OR10H5: variants seen among roughly 807,000 people sequenced by gnomAD.
The protein encoded by OR10H5 is olfactory receptor 10H5.
Under a neutral mutation model 12.2 loss-of-function variants are expected in OR10H5, and 7 were observed. The ratio of observed to expected loss-of-function variants is 0.57; its 90% CI spans 0.33 to 1.07. OR10H5 has a LOEUF of 1.07. Ranked by LOEUF, OR10H5 falls within the 50% of genes least tolerant of loss-of-function variation. The pLI is 0.04. For missense variants in OR10H5, 346 were observed against 411.6 expected, an observed-to-expected ratio of 0.84 and a Z score of 1.38; for synonymous variants, 159 against 175.1, an observed-to-expected ratio of 0.91 and a Z score of 0.73.
chr19:15,794,244 C>T lies in OR10H5; in HGVS notation c.196C>T (p.Leu66Phe). ...HMPMYLFLCA[L>F]SITEILYTVA... Reference sequence around the variant, plus strand: ...GCCCATGTACCTCTTCCTGTGTGCCCTCTCCATCACCGAGATCCTCTACAC... The same window carrying T: ...GCCCATGTACCTCTTCCTGTGTGCCTTCTCCATCACCGAGATCCTCTACAC... The change falls in exon 2 of 2, where the codon CTC becomes TTC. Residue 66 changes from leucine to phenylalanine, a missense_variant. Leu to Phe is a conservative substitution (Grantham distance 22). Coordinates refer to ENST00000642092, the MANE Select transcript of OR10H5 (RefSeq NM_001004466.2). 6.2e-7 allele frequency: 1 copy of T among 1,613,328 alleles called. No homozygotes were observed. The highest frequency in any genetic ancestry group is 8.5e-7 in the Non-Finnish European group (1 of 1,179,790).
intron 1 of OR10H5, among the ~76,000 whole-genome samples, chr19:15,792,850 C>T (rs955739206): frequency 6.6e-6 from 1 of 151,822 alleles, no homozygotes; most frequent in Non-Finnish European, 1.5e-5. Context: ...TCATAACAAC[C>T]CTGTCAATTT....
chr19:15,793,678 C>T (rs562005796), intron 1 of OR10H5, among the ~76,000 whole-genome samples: 25 of 152,070 alleles, frequency 1.6e-4, no homozygotes, highest in African/African-American at 5.8e-4. Flanking sequence ...GTCAGGAGTT[C>T]GAGACCAGCC....
At chr19:15,793,582 A>T (rs1468591910) in intron 1 of OR10H5, among the ~76,000 whole-genome samples, 1 of 152,022 alleles carries the variant, frequency 6.6e-6, no homozygotes, top group Non-Finnish European at 1.5e-5. Flanking sequence ...TCAGCACATT[A>T]TTATTAACAT....
intron 1 of OR10H5, among the ~76,000 whole-genome samples, chr19:15,792,527 G>A (rs371709643): frequency 2.0e-5 from 3 of 152,138 alleles, no homozygotes; most frequent in East Asian, 1.9e-4. Flanking sequence ...GTGCAGTGGC[G>A]TGATCTCAGG....
At chr19:15,790,005 T>C (rs936787389) in intron 1 of OR10H5, among the ~76,000 whole-genome samples, 1 of 152,134 alleles carries the variant, frequency 6.6e-6, no homozygotes, top group Non-Finnish European at 1.5e-5. Flanking sequence ...CAGGCTGGTC[T>C]CAAACTCCTG....
intron 1 of OR10H5, among the ~76,000 whole-genome samples, chr19:15,788,600 C>T (rs774975359): frequency 2.0e-5 from 3 of 152,252 alleles, no homozygotes; most frequent in Non-Finnish European, 4.4e-5. Flanking sequence ...CCAGGCTCAA[C>T]TGATCCTCCC....
intron 1 of OR10H5, among the ~76,000 whole-genome samples, chr19:15,793,775 A>G (rs2088820204): frequency 6.6e-6 from 1 of 152,132 alleles, no homozygotes; most frequent in Non-Finnish European, 1.5e-5. Context: ...GCTACTCTGG[A>G]GGCTGAGGCA....
rs755916276 is a variant in OR10H5, at chr19:15,794,248, C to T, written c.200C>T (p.Ser67Phe). Residue 67 changes from serine to phenylalanine, a missense_variant, in exon 2 of 2, where the codon TCC becomes TTC. Ser to Phe is a radical substitution (Grantham distance 155). Transcript: ENST00000642092. ...ATGTACCTCTTCCTGTGTGCCCTCT[C>T]CATCACCGAGATCCTCTACACCGTG... Reference protein sequence around the residue: ...MPMYLFLCALSITEILYTVAI... With the variant: ...MPMYLFLCALFITEILYTVAI... The T allele has an allele frequency of 1.2e-6, 2 of 1,614,116 alleles. No individual in the cohort carries two copies. Among genetic ancestry groups the T allele is most frequent in the Non-Finnish European group, 1.7e-6 (2 of 1,180,030 alleles).
chr19:15,794,783 C>T lies in OR10H5; in HGVS notation c.735C>T (p.His245=), dbSNP rs1443885794. The T allele has an allele frequency of 1.9e-6, 3 of 1,613,860 alleles. No homozygotes were observed. The highest frequency in any genetic ancestry group is 1.7e-5 in the Admixed American group (1 of 60,010). Residue 245 remains histidine (H), a synonymous_variant, in exon 2 of 2, where the codon CAC becomes CAT. Coordinates refer to ENST00000642092, the MANE Select transcript of OR10H5 (RefSeq NM_001004466.2). ...AGGCCTTCTCCACCTGTGCCTCTCACCTCACTGTGGTGGTCGTGCACTATG... is the reference window on the plus strand; with the variant it reads ...AGGCCTTCTCCACCTGTGCCTCTCATCTCACTGTGGTGGTCGTGCACTATG... ...RNKAFSTCAS[H]LTVVVVHYGF... is the part of the protein sequence containing the mutation.
Position 15,796,993 on chromosome 19 carries a change from C to G in OR10H5, c.*1997C>G, listed in dbSNP as rs999737069. ...ACAAAAAATTACCCGGGCGTGGTGG[C>G]ACATGCCTGTAATCCCAGCTACTCA... On this transcript the variant is annotated 3_prime_UTR_variant, in exon 2 of 2. Transcript: ENST00000642092. 1 of 152,100 alleles carries G rather than the reference C, an allele frequency of 6.6e-6. No individual in the cohort carries two copies. The highest frequency in any genetic ancestry group is 1.5e-5 in the Non-Finnish European group (1 of 68,084). 9.4% of individuals were successfully genotyped at this position (152,100 alleles called of 1,614,324 possible).
intron 1 of OR10H5, chr19:15,793,802 C>G (rs936281420): frequency 2.2e-6 from 1 of 453,650 alleles, no homozygotes; most frequent in Admixed American, 3.6e-5. Context: ...TCACTTGAAC[C>G]CAGGAGGCAG....
chr19:15,791,997 A>G (rs1043075439), intron 1 of OR10H5, among the ~76,000 whole-genome samples: 1 of 150,046 alleles, frequency 6.7e-6, no homozygotes, highest in African/African-American at 2.5e-5. Flanking sequence ...TAAATTCTCC[A>G]GCCTAGGTGA....
At position 15,794,520 on chromosome 19, in the gene OR10H5, G is replaced by T. The variant is rs754325604; in HGVS notation, c.472G>T (p.Val158Leu). 2 of 1,614,226 alleles carry T rather than the reference G, an allele frequency of 1.2e-6. No homozygotes were observed. Among genetic ancestry groups the T allele is most frequent in the Admixed American group, 3.3e-5 (2 of 60,018 alleles). Reference protein sequence around the residue: ...SWAGGLVMGMVVTSAIFHLAF... With the variant: ...SWAGGLVMGMLVTSAIFHLAF... ...GGCTGGTGGCTTGGTCATGGGGATG[G>T]TGGTGACCTCGGCCATTTTCCACCT... is the stretch of plus-strand genomic sequence containing the variant. The change falls in exon 2 of 2, where the codon GTG becomes TTG. Residue 158 changes from valine (V) to leucine (L), a missense_variant. Coordinates refer to ENST00000642092, the MANE Select transcript of OR10H5 (RefSeq NM_001004466.2).
In OR10H5 at chr19:15,799,710, A is replaced by ATTTT. The variant is rs2088858622; in HGVS notation, c.*4714_*4715insTTTT. 8.2e-6 allele frequency: 1 copy of ATTTT among 121,752 alleles called. No individual in the cohort carries two copies. 7.5% of individuals were successfully genotyped at this position (121,752 alleles called of 1,614,324 possible). A position where few individuals can be genotyped will look rare whatever the true frequency, so the allele number is the denominator to read the frequency against. On this transcript the variant is annotated 3_prime_UTR_variant, in exon 2 of 2. Coordinates refer to ENST00000642092, the MANE Select transcript of OR10H5 (RefSeq NM_001004466.2). ...CATTGAATGTCTTTTTTTTTTTTTG[A>ATTTT]GAGAGAGAGAGAGAGAGAAATAAGA... is the stretch of plus-strand genomic sequence containing the variant.
Position 15,798,033 on chromosome 19 carries a change from G to GGCACTCCAGCCTGGGCGACAAGAGTT in OR10H5, c.*3037_*3038insGCACTCCAGCCTGGGCGACAAGAGTT, listed in dbSNP as rs1435582514. On this transcript the variant is annotated 3_prime_UTR_variant, in exon 2 of 2. Coordinates refer to ENST00000642092, the MANE Select transcript of OR10H5 (RefSeq NM_001004466.2). ...GCACTCCAGCCTGGGCGACAAGAGT[G>GGCACTCCAGCCTGGGCGACAAGAGTT]ACACTCCATCTAAAAAAAAAAAAAA... 1 of 114,964 alleles carries GGCACTCCAGCCTGGGCGACAAGAGTT rather than the reference G, an allele frequency of 8.7e-6. No homozygotes were observed. Among genetic ancestry groups the GGCACTCCAGCCTGGGCGACAAGAGTT allele is most frequent in the East Asian group, 3.2e-4 (1 of 3,122 alleles). The allele number at this position is 114,964 out of a possible 1,614,324, so 7.1% of individuals were successfully genotyped here.
intron 1 of OR10H5, among the ~76,000 whole-genome samples, chr19:15,789,310 G>A (rs75885202): frequency 1.3e-5 from 2 of 152,222 alleles, no homozygotes; most frequent in African/African-American, 4.8e-5. Context: ...CAGTGCGACT[G>A]TGTGGCATTG....
At position 15,794,967 on chromosome 19, in the gene OR10H5, T is replaced by G; in HGVS notation, c.919T>G (p.Phe307Val). The change falls in exon 2 of 2, where the codon TTC becomes GTC. Residue 307 changes from phenylalanine to valine, a missense_variant. Physicochemically the swap from Phe to Val is conservative, Grantham distance 50 (BLOSUM62 -1). Coordinates refer to ENST00000642092, the MANE Select transcript of OR10H5 (RefSeq NM_001004466.2). The part of the protein sequence containing the change: ...ELKVAMKKTC[F>V]TKLFPQNC ...GAAGGTCGCCATGAAGAAGACTTGC[T>G]TCACCAAACTCTTTCCACAGAACTG... The G allele has an allele frequency of 6.2e-7, 1 of 1,614,132 alleles. No homozygotes were observed.
Position 15,795,117 on chromosome 19 carries a change from T to TCCTCCCTCCCTCCTTTCCTC in OR10H5, c.*127_*146dup. ...TCCCTCCCTTCCTTCCTTCTTTCCT[T>TCCTCCCTCCCTCCTTTCCTC]CCTCCCTCCCTCCTTTCCTCCCTCC... is the stretch of plus-strand genomic sequence containing the variant. On this transcript the variant is annotated 3_prime_UTR_variant, in exon 2 of 2. Coordinates refer to ENST00000642092, the MANE Select transcript of OR10H5 (RefSeq NM_001004466.2). The TCCTCCCTCCCTCCTTTCCTC allele has an allele frequency of 1.2e-6, 1 of 831,132 alleles. No individual in the cohort carries two copies. The highest frequency in any genetic ancestry group is 1.8e-6 in the Non-Finnish European group (1 of 559,246). 51.5% of individuals were successfully genotyped at this position (831,132 alleles called of 1,614,324 possible). A position where few individuals can be genotyped will look rare whatever the true frequency, so the allele number is the denominator to read the frequency against.
chr19:15,790,227 G>T (rs1367740323), intron 1 of OR10H5, among the ~76,000 whole-genome samples: 1 of 152,178 alleles, frequency 6.6e-6, no homozygotes, highest in Non-Finnish European at 1.5e-5. Flanking sequence ...GACAGAAGAA[G>T]GTTCATCTGG....
Sources: allele counts gnomAD v4.1 joint callset (sites outside exome capture counted in the v4.1 genomes callset), GRCh38; gene constraint gnomAD v4.1.1; transcripts MANE v1.5; gene names NCBI Gene and HGNC (gene_info 2026-07-23, HGNC 2026-07-21).